The following SLC35F1 variants were observed in gnomAD, a reference collection of about 807,000 sequenced individuals.
The protein encoded by SLC35F1 is solute carrier family 35 member F1.
Under a neutral mutation model 48.7 loss-of-function variants are expected in SLC35F1, and 14 were observed. That is an observed-to-expected ratio of 0.29 (90% confidence interval 0.19 to 0.45). The LOEUF (loss-of-function observed/expected upper bound fraction) is 0.45, where lower values mean the gene tolerates loss of function less well. Ranked by LOEUF, SLC35F1 falls within the 20% of genes least tolerant of loss-of-function variation. The pLI is 1.00. For synonymous variants in SLC35F1, 190 were observed against 202.2 expected (o/e 0.94, Z 0.51); for missense variants, 404 against 500.0 (o/e 0.81, Z 1.83).
chr6:118,309,504 T>C (rs550495616), intron 7 of SLC35F1, among the ~76,000 whole-genome samples: 1 of 152,312 alleles, frequency 6.6e-6, no homozygotes, highest in Admixed American at 6.5e-5. Context: ...TTTGTGCCTC[T>C]CTAGGGATCA....
At chr6:118,218,057 C>T (rs1387886206) in intron 2 of SLC35F1, among the ~76,000 whole-genome samples, 2 of 152,070 alleles carry the variant, frequency 1.3e-5, no homozygotes, top group Non-Finnish European at 2.9e-5. Flanking sequence ...AAGTAGAATG[C>T]AAGTCTTGGG....
intron 1 of SLC35F1, among the ~76,000 whole-genome samples, chr6:118,075,489 T>C (rs974673597): frequency 1.3e-5 from 2 of 152,242 alleles, no homozygotes; most frequent in African/African-American, 4.8e-5. Flanking sequence ...CAATATGTAC[T>C]GGAAGCCTAA....
chr6:118,029,593 C>T (rs762715262), intron 1 of SLC35F1, among the ~76,000 whole-genome samples: 1 of 152,078 alleles, frequency 6.6e-6, no homozygotes, highest in African/African-American at 2.4e-5. Context: ...CAGGCATCCA[C>T]TGGGGGTCTT....
At chr6:118,016,905 C>T (rs1019873933) in intron 1 of SLC35F1, among the ~76,000 whole-genome samples, 5 of 152,172 alleles carry the variant, frequency 3.3e-5, no homozygotes, top group African/African-American at 9.7e-5. Flanking sequence ...CTACCACCCT[C>T]GACATCAATA....
intron 1 of SLC35F1, among the ~76,000 whole-genome samples, chr6:117,928,938 C>G (rs1776064213): frequency 6.6e-6 from 1 of 152,096 alleles, no homozygotes; most frequent in Admixed American, 6.6e-5. Context: ...ATTGACCCTC[C>G]TAGTCTTAAA....
intron 1 of SLC35F1, among the ~76,000 whole-genome samples, chr6:117,963,705 G>T (rs2114837109): frequency 6.6e-6 from 1 of 152,232 alleles, no homozygotes; most frequent in Non-Finnish European, 1.5e-5. Context: ...TTTCACTGGG[G>T]AACCTTGTTA....
At chr6:118,295,766 T>C (rs949037290) in intron 7 of SLC35F1, among the ~76,000 whole-genome samples, 2 of 152,156 alleles carry the variant, frequency 1.3e-5, no homozygotes, top group Admixed American at 6.6e-5. Flanking sequence ...TAATTAGAAA[T>C]AGGAGATTTA....
intron 4 of SLC35F1, 141 bp downstream of exon 4, chr6:118,267,295 CCA>C: frequency 1.0e-6 from 1 of 985,958 alleles, no homozygotes; most frequent in Non-Finnish European, 1.5e-6. Context: ...TGTCTGTTCC[CCA>C]CACCTGAAAC....
chr6:118,238,344 A>C (rs1775393025), intron 3 of SLC35F1, among the ~76,000 whole-genome samples: 1 of 151,920 alleles, frequency 6.6e-6, no homozygotes. Flanking sequence ...CTGCCCAACT[A>C]CTGGGGAGGC....
intron 1 of SLC35F1, among the ~76,000 whole-genome samples, chr6:118,071,161 C>T (rs112406440): frequency 0.013 from 1,756 of 138,366 alleles, 55 homozygotes; most frequent in African/African-American, 0.044. Context: ...TGTATATACA[C>T]ACATAGAATA....
intron 7 of SLC35F1, among the ~76,000 whole-genome samples, chr6:118,292,561 G>A (rs1776137520): frequency 6.6e-6 from 1 of 152,182 alleles, no homozygotes; most frequent in African/African-American, 2.4e-5. Context: ...TCTTTGAGCA[G>A]CTTTCTGGTC....
chr6:117,916,929 G>A (rs1450842802), intron 1 of SLC35F1, among the ~76,000 whole-genome samples: 1 of 152,104 alleles, frequency 6.6e-6, no homozygotes, highest in African/African-American at 2.4e-5. Context: ...GGATACTTCG[G>A]GAAACAAAGC....
intron 2 of SLC35F1, among the ~76,000 whole-genome samples, chr6:118,163,039 G>A (rs1774262318): frequency 6.7e-6 from 1 of 150,370 alleles, no homozygotes; most frequent in Non-Finnish European, 1.5e-5. Flanking sequence ...GAGGCTCACT[G>A]CAACCTCTCC....
chr6:118,309,464 A>G lies in SLC35F1; in HGVS notation c.1003-4564A>G, dbSNP rs1163595956. On this transcript the variant is annotated intron_variant, in intron 7 of 7. Transcript: ENST00000360388. ...TAGAAGTACTTGGTACATGCATTCA[A>G]TAAAAGTAGAGCTGAAACCCAGAGT... is the stretch of plus-strand genomic sequence containing the variant. Among the ~76,000 whole-genome samples the G allele has an allele frequency of 2.6e-5, 4 of 152,320 alleles. No homozygotes were observed. In the South Asian group the frequency reaches 6.2e-4, roughly 24 times the overall value.
chr6:118,167,622 G>A (rs1396578927), intron 2 of SLC35F1, among the ~76,000 whole-genome samples: 2 of 152,158 alleles, frequency 1.3e-5, no homozygotes, highest in African/African-American at 4.8e-5. Flanking sequence ...ATATAGAGCA[G>A]TTACTATGAA....
chr6:118,043,770 T>G (rs1562272871), intron 1 of SLC35F1, among the ~76,000 whole-genome samples: 1 of 152,242 alleles, frequency 6.6e-6, no homozygotes. Context: ...TTTACCTTTT[T>G]GACCTTTGTC....
At chr6:118,304,365 T>G (rs1039872595) in intron 7 of SLC35F1, among the ~76,000 whole-genome samples, 1 of 126,978 alleles carries the variant, frequency 7.9e-6, no homozygotes, top group Non-Finnish European at 1.6e-5. Flanking sequence ...AGACTTCATC[T>G]CTTAAAAAAA....
At chr6:118,171,171 G>C (rs1023179485) in intron 2 of SLC35F1, among the ~76,000 whole-genome samples, 2 of 152,012 alleles carry the variant, frequency 1.3e-5, no homozygotes, top group African/African-American at 4.8e-5. Context: ...CAAGTAACTG[G>C]AACTACAGGC....
intron 1 of SLC35F1, among the ~76,000 whole-genome samples, chr6:117,959,468 A>C (rs1776467442): frequency 6.6e-6 from 1 of 152,214 alleles, no homozygotes; most frequent in East Asian, 1.9e-4. Flanking sequence ...CTCTGTCTGT[A>C]GGGCCAGAGG....
Sources: gnomAD v4.1 joint callset for allele counts (sites outside exome capture counted in the v4.1 genomes callset) on GRCh38, gnomAD v4.1.1 for gene constraint, MANE v1.5 for transcripts, NCBI Gene and HGNC (gene_info 2026-07-23, HGNC 2026-07-21) for gene names.